Variants in PGCKA1 observed in about 807,000 individuals in gnomAD.
PGCKA1 encodes the protein PDCD10 and GCKIII kinases-associated protein 1.
At chr4:37,492,918 TG>T in the PGCKA1 span, among the ~76,000 whole-genome samples, 1 of 152,296 alleles carries the variant, frequency 6.6e-6, no homozygotes, top group South Asian at 2.1e-4. The surrounding 1 kb of genome is among the most constrained non-coding windows in gnomAD (Gnocchi z 4.7). Flanking sequence ...CTGCCAGCCC[TG>T]GTTCAGCTTT....
At chr4:37,498,351 T>G in the PGCKA1 span, among the ~76,000 whole-genome samples, 4 of 152,182 alleles carry the variant, frequency 2.6e-5, no homozygotes, top group African/African-American at 9.6e-5. Context: ...GCCTCCAGAT[T>G]TGTTATTTTT....
chr4:37,582,668 A>T, the PGCKA1 span, among the ~76,000 whole-genome samples: 2 of 152,176 alleles, frequency 1.3e-5, no homozygotes, highest in African/African-American at 4.8e-5. Flanking sequence ...TCAGGAAATC[A>T]CAGAAGTGAG....
chr4:37,527,664 CA>C, the PGCKA1 span, among the ~76,000 whole-genome samples: 67,585 of 133,528 alleles, frequency 0.51, 16,504 homozygotes, highest in African/African-American at 0.64. Flanking sequence ...CTAAAAAATA[CA>C]AAAAAAAAAA....
At chr4:37,585,778 G>A in the PGCKA1 span, among the ~76,000 whole-genome samples, 1 of 152,044 alleles carries the variant, frequency 6.6e-6, no homozygotes, top group Non-Finnish European at 1.5e-5. Context: ...AAATGGGGTA[G>A]TTTAAGAGTA....
At chr4:37,549,137 T>G in the PGCKA1 span, among the ~76,000 whole-genome samples, 4 of 152,360 alleles carry the variant, frequency 2.6e-5, no homozygotes, top group African/African-American at 9.6e-5. Context: ...GGGAGGAAAC[T>G]TAGCATTCCT....
chr4:37,536,578 G>A, the PGCKA1 span, among the ~76,000 whole-genome samples: 14 of 152,236 alleles, frequency 9.2e-5, no homozygotes, highest in East Asian at 1.5e-3. Flanking sequence ...AAGCTCACTC[G>A]TGTGACTGCT....
At chr4:37,590,578 G>A in the PGCKA1 span, 1 of 1,614,168 alleles carries the variant, frequency 6.2e-7, no homozygotes, top group Non-Finnish European at 8.5e-7. Flanking sequence ...TTTTGCCTTG[G>A]AAGTACAAGA....
At chr4:37,547,377 T>C in the PGCKA1 span, among the ~76,000 whole-genome samples, 1 of 152,240 alleles carries the variant, frequency 6.6e-6, no homozygotes, top group Non-Finnish European at 1.5e-5. Context: ...TTAAGTGTTT[T>C]TTGTTTTGTG....
chr4:37,455,088 A>G, the PGCKA1 span, among the ~76,000 whole-genome samples: 3 of 152,328 alleles, frequency 2.0e-5, no homozygotes, highest in African/African-American at 7.2e-5. Context: ...CTTATGAGGA[A>G]TAATATCTGG....
chr4:37,571,355 C>CATTTT, the PGCKA1 span, among the ~76,000 whole-genome samples: 3 of 78,036 alleles, frequency 3.8e-5, no homozygotes, highest in Non-Finnish European at 4.4e-5. Flanking sequence ...GACTATTATC[C>CATTTT]TTTTTTTTTT....
chr4:37,538,399 A>C, the PGCKA1 span, among the ~76,000 whole-genome samples: 5 of 152,254 alleles, frequency 3.3e-5, no homozygotes, highest in Admixed American at 3.3e-4. Flanking sequence ...TAAAATCCAA[A>C]GGGCATTGGG....
At chr4:37,454,729 C>T in the PGCKA1 span, among the ~76,000 whole-genome samples, 1 of 152,140 alleles carries the variant, frequency 6.6e-6, no homozygotes, top group African/African-American at 2.4e-5. Context: ...CCTTGGCAGC[C>T]CTGATGAGGC....
At chr4:37,514,241 C>T in the PGCKA1 span, among the ~76,000 whole-genome samples, 4 of 152,118 alleles carry the variant, frequency 2.6e-5, no homozygotes, top group Non-Finnish European at 5.9e-5. Context: ...TATAACAGCA[C>T]CAATCCTACC....
the PGCKA1 span, among the ~76,000 whole-genome samples, chr4:37,520,854 C>T: frequency 1.7e-4 from 26 of 152,138 alleles, no homozygotes; most frequent in African/African-American, 6.0e-4. Flanking sequence ...CCTGACCTCG[C>T]AATCCGCCCG....
At chr4:37,505,643 G>A in the PGCKA1 span, among the ~76,000 whole-genome samples, 1 of 152,146 alleles carries the variant, frequency 6.6e-6, no homozygotes, top group Non-Finnish European at 1.5e-5. Flanking sequence ...CTTGCTCAGG[G>A]AAACTCCCCC....
the PGCKA1 span, among the ~76,000 whole-genome samples, chr4:37,546,509 G>C: frequency 6.6e-6 from 1 of 152,182 alleles, no homozygotes; most frequent in African/African-American, 2.4e-5. Context: ...ACCCTTTCAC[G>C]TACAATCTTT....
At chr4:37,487,565 CTG>C in the PGCKA1 span, among the ~76,000 whole-genome samples, 1 of 152,092 alleles carries the variant, frequency 6.6e-6, no homozygotes, top group Non-Finnish European at 1.5e-5. Flanking sequence ...GGAGTTTTAA[CTG>C]TATAACTCAA....
chr4:37,580,305 A>ATTTTTTTT, the PGCKA1 span, among the ~76,000 whole-genome samples: 1 of 130,878 alleles, frequency 7.6e-6, no homozygotes, highest in African/African-American at 3.0e-5. Flanking sequence ...CGGTGAGGTC[A>ATTTTTTTT]TTTTTTTTTT....
At chr4:37,539,130 C>A in the PGCKA1 span, among the ~76,000 whole-genome samples, 1 of 152,124 alleles carries the variant, frequency 6.6e-6, no homozygotes, top group African/African-American at 2.4e-5. Flanking sequence ...AACATCTGAG[C>A]CCCCAGCCGA....
Sources: allele counts gnomAD v4.1 joint callset (sites outside exome capture counted in the v4.1 genomes callset), GRCh38; gene constraint gnomAD v4.1.1; non-coding constraint Gnocchi (gnomAD v3.1); transcripts MANE v1.5; gene names NCBI Gene and HGNC (gene_info 2026-07-23, HGNC 2026-07-21).